Variants in CNTN5 observed in about 807,000 individuals in gnomAD.
CNTN5 encodes the protein contactin 5.
CNTN5 carries 77 observed loss-of-function variants against 129.1 expected under a neutral mutation model. That is an observed-to-expected ratio of 0.60 (90% CI 0.50 to 0.72). CNTN5 has a LOEUF of 0.72. CNTN5 is among the 30% of genes least tolerant of loss of function. The pLI, the probability that CNTN5 is intolerant of heterozygous loss-of-function variation, is 0.00. For synonymous variants in CNTN5, 509 were observed against 465.6 expected (o/e 1.09, Z -1.20); for missense variants, 1,478 against 1,328.8 (o/e 1.11, Z -1.75).
intron 18 of CNTN5, among the ~76,000 whole-genome samples, chr11:100,294,303 G>T (rs1408421898): frequency 6.6e-6 from 1 of 151,728 alleles, no homozygotes; most frequent in Non-Finnish European, 1.5e-5. Context: ...TTGATATTCT[G>T]CCGTGGCTAA....
chr11:99,832,393 A>T (rs1393270498), intron 4 of CNTN5, among the ~76,000 whole-genome samples: 1 of 152,120 alleles, frequency 6.6e-6, no homozygotes, highest in East Asian at 1.9e-4. Flanking sequence ...GCATCCTCTG[A>T]CCTCTCTTTT....
intron 10 of CNTN5, among the ~76,000 whole-genome samples, chr11:100,066,269 A>G (rs1943692121): frequency 6.6e-6 from 1 of 152,110 alleles, no homozygotes; most frequent in Non-Finnish European, 1.5e-5. Context: ...ATTTGAACCC[A>G]TATTCATCCC....
At chr11:99,834,912 C>T (rs1296091371) in intron 4 of CNTN5, among the ~76,000 whole-genome samples, 4 of 152,184 alleles carry the variant, frequency 2.6e-5, no homozygotes, top group African/African-American at 4.8e-5. Flanking sequence ...CTTGCCCTAG[C>T]CATTTATTTG....
chr11:99,808,609 G>C (rs1145391), intron 3 of CNTN5, among the ~76,000 whole-genome samples: 39,850 of 151,954 alleles, frequency 0.26, 5,483 homozygotes, highest in Non-Finnish European at 0.32. Context: ...AAATCACTCG[G>C]GGACTTCAAT....
intron 1 of CNTN5, among the ~76,000 whole-genome samples, chr11:99,257,125 G>A (rs1298708894): frequency 1.3e-5 from 2 of 152,068 alleles, no homozygotes; most frequent in African/African-American, 2.4e-5. Context: ...CAGAAGAAAG[G>A]TAAGAACAGA....
chr11:99,148,775 CT>C (rs1269584381), intron 1 of CNTN5, among the ~76,000 whole-genome samples: 8 of 152,116 alleles, frequency 5.3e-5, no homozygotes, highest in African/African-American at 1.7e-4. Context: ...ATGTAGCCAT[CT>C]TTTTTTATTT....
chr11:100,115,921 A>G lies in CNTN5; in HGVS notation c.1580+41627A>G, dbSNP rs112585603. Among the ~76,000 whole-genome samples, 999 of 152,168 alleles carry G rather than the reference A, an allele frequency of 6.6e-3. 9 individuals carry two copies. Among genetic ancestry groups the G allele is most frequent in the African/African-American group, 0.021 (878 of 41,560 alleles). On this transcript the variant is annotated intron_variant, in intron 13 of 24. Transcript: ENST00000524871. ...AAAGAATCTGGTTCTACATTCATGT[A>G]TTACCTCAAGCCATTCATATGAAAA... is the stretch of plus-strand genomic sequence containing the variant.
intron 3 of CNTN5, among the ~76,000 whole-genome samples, chr11:99,639,014 G>T (rs1396664939): frequency 6.6e-6 from 1 of 152,152 alleles, no homozygotes; most frequent in African/African-American, 2.4e-5. Context: ...TTCTCGTGAG[G>T]TCCCTGTCCC....
At position 99,317,397 on chromosome 11, in the gene CNTN5, C is replaced by A. The variant is rs543615322; in HGVS notation, c.-209-7949C>A. 1.6e-4 allele frequency among the ~76,000 whole-genome samples: 24 copies of A among 152,262 alleles called. 1 individual carries two copies. In the South Asian group the frequency reaches 5.0e-3, roughly 32 times the overall value. ...AATAGTGACAGATGTAGCAATATGA[C>A]TTCTAGTGCTTGCTGCTAATGGCAG... On this transcript the variant is annotated intron_variant, in intron 1 of 24. Transcript: ENST00000524871.
chr11:99,619,324 A>G (rs1950857471), intron 3 of CNTN5, among the ~76,000 whole-genome samples: 1 of 152,160 alleles, frequency 6.6e-6, no homozygotes, highest in Non-Finnish European at 1.5e-5. Context: ...TGAGTTTGTA[A>G]AATGTATTAT....
chr11:100,202,369 C>T (rs1421825860), intron 15 of CNTN5, among the ~76,000 whole-genome samples: 1 of 151,740 alleles, frequency 6.6e-6, no homozygotes, highest in Non-Finnish European at 1.5e-5. Flanking sequence ...TTGCCGGTAA[C>T]ATTTTCATGT....
chr11:100,015,098 C>T (rs933532202), intron 9 of CNTN5, among the ~76,000 whole-genome samples: 2 of 152,040 alleles, frequency 1.3e-5, no homozygotes, highest in Admixed American at 6.6e-5. Context: ...CATTTGTTAA[C>T]TGAATTAAGT....
chr11:100,061,626 G>T (rs1470675031), intron 10 of CNTN5, among the ~76,000 whole-genome samples: 5 of 152,082 alleles, frequency 3.3e-5, no homozygotes, highest in Non-Finnish European at 2.9e-5. Context: ...CAGAACTTAC[G>T]TCCTTAAAAA....
At chr11:99,915,980 A>G (rs1319696668) in intron 6 of CNTN5, 74 bp from the exon 7 acceptor site, 12 of 1,152,040 alleles carry the variant, frequency 1.0e-5, no homozygotes, top group Non-Finnish European at 1.5e-5. Context: ...ATAGAAAGTA[A>G]GTACAAGTTA....
In CNTN5 at chr11:99,915,990, A is replaced by G. The variant is rs906892168; in HGVS notation, c.578-64A>G. The G allele has an allele frequency of 1.3e-5, 16 of 1,267,308 alleles. No homozygotes were observed. In the African/African-American group the frequency reaches 1.3e-4, roughly 10 times the overall value. The allele number at this position is 1,267,308 out of a possible 1,614,324, so 78.5% of individuals were successfully genotyped here. ...TAACGATAGAAAGTAAGTACAAGTTACAATCATAGCAATTCTTTACATTCT... is the reference window on the plus strand; with the variant it reads ...TAACGATAGAAAGTAAGTACAAGTTGCAATCATAGCAATTCTTTACATTCT... On this transcript the variant is annotated intron_variant, in intron 6 of 24. Transcript: ENST00000524871.
At chr11:99,131,092 C>A (rs1210498891) in intron 1 of CNTN5, among the ~76,000 whole-genome samples, 3 of 143,610 alleles carry the variant, frequency 2.1e-5, no homozygotes, top group African/African-American at 7.9e-5. Flanking sequence ...GAAACCCCAT[C>A]TCTACTAAAA....
intron 2 of CNTN5, among the ~76,000 whole-genome samples, chr11:99,470,205 T>C (rs1050581794): frequency 5.8e-4 from 88 of 152,304 alleles, no homozygotes; most frequent in Non-Finnish European, 1.0e-3. Context: ...ATTTAGTTTA[T>C]GTCCTCCACT....
chr11:99,404,232 C>T (rs1219813021), intron 2 of CNTN5, among the ~76,000 whole-genome samples: 1 of 150,890 alleles, frequency 6.6e-6, no homozygotes, highest in African/African-American at 2.4e-5. Flanking sequence ...CGTTTATTTT[C>T]AGACTATGTG....
chr11:99,788,799 T>C (rs1162765764), intron 3 of CNTN5, among the ~76,000 whole-genome samples: 1 of 151,934 alleles, frequency 6.6e-6, no homozygotes, highest in East Asian at 1.9e-4. Flanking sequence ...AGTTGTATCG[T>C]GTGTATATTT....
Sources: gnomAD v4.1 joint callset for allele counts (sites outside exome capture counted in the v4.1 genomes callset) on GRCh38, gnomAD v4.1.1 for gene constraint, MANE v1.5 for transcripts, NCBI Gene and HGNC (gene_info 2026-07-23, HGNC 2026-07-21) for gene names.